Variants in FXYD6 observed in about 807,000 individuals in gnomAD.
FXYD6 encodes FXYD domain containing ion transport regulator 6.
Under a neutral mutation model 16.7 loss-of-function variants are expected in FXYD6, and 7 were observed. The observed-to-expected ratio is 0.42, with a 90% CI of 0.24 to 0.79. The LOEUF (loss-of-function observed/expected upper bound fraction) is 0.79. Ranked by LOEUF, FXYD6 falls within the 30% of genes least tolerant of loss-of-function variation. FXYD6 has a pLI of 0.28. For synonymous variants in FXYD6, 49 were observed against 43.0 expected, an observed-to-expected ratio of 1.14 and a Z score of -0.54; for missense variants, 111 against 116.2, an observed-to-expected ratio of 0.95 and a Z score of 0.21.
chr11:117,873,839 C>T (rs556159341), intron 1 of FXYD6, among the ~76,000 whole-genome samples: 2 of 152,290 alleles, frequency 1.3e-5, no homozygotes, highest in African/African-American at 4.8e-5. Context: ...CAGCTTCCAG[C>T]CTCGCCTTCC....
At chr11:117,874,624 C>T (rs1490412226) in intron 1 of FXYD6, among the ~76,000 whole-genome samples, 1 of 152,262 alleles carries the variant, frequency 6.6e-6, no homozygotes, top group African/African-American at 2.4e-5. Flanking sequence ...TTTTCCTTCT[C>T]TCCTTTGTTA....
At chr11:117,859,685 G>T (rs949365781) in intron 1 of FXYD6, among the ~76,000 whole-genome samples, 2 of 152,116 alleles carry the variant, frequency 1.3e-5, no homozygotes, top group African/African-American at 2.4e-5. Context: ...CCAGTCCCTT[G>T]TCTCCAAAAG....
intron 1 of FXYD6, among the ~76,000 whole-genome samples, chr11:117,869,469 G>A (rs1045040863): frequency 3.3e-5 from 5 of 152,196 alleles, no homozygotes; most frequent in East Asian, 3.8e-4. Flanking sequence ...CTCCCACTGC[G>A]AGGGTGCTGG....
intron 6 of FXYD6, 49 bp from the exon 7 acceptor site, chr11:117,839,879 G>A (rs779122599): frequency 9.9e-6 from 16 of 1,612,032 alleles, no homozygotes; most frequent in South Asian, 8.8e-5. Context: ...CCTCACCCCC[G>A]TGGGCCACCC....
chr11:117,845,440 T>G (rs530894239), intron 1 of FXYD6, among the ~76,000 whole-genome samples: 1 of 152,372 alleles, frequency 6.6e-6, no homozygotes, highest in East Asian at 1.9e-4. Flanking sequence ...TTAGTGTAGC[T>G]TTTTTGAACT....
At chr11:117,842,519 C>G (rs1318705716) in intron 2 of FXYD6, among the ~76,000 whole-genome samples, 200 bp downstream of exon 2, 2 of 152,200 alleles carry the variant, frequency 1.3e-5, no homozygotes, top group East Asian at 1.9e-4. Flanking sequence ...GGCGAGGGGG[C>G]AGGCTGTGCT....
chr11:117,851,786 T>C (rs4525270), intron 1 of FXYD6, among the ~76,000 whole-genome samples: 21,677 of 152,302 alleles, frequency 0.14, 1,602 homozygotes, highest in Middle Eastern at 0.22. Flanking sequence ...CAAGAGACCC[T>C]ACGGCGATCC....
chr11:117,857,799 A>G (rs990884152), intron 1 of FXYD6, among the ~76,000 whole-genome samples: 1 of 152,168 alleles, frequency 6.6e-6, no homozygotes, highest in African/African-American at 2.4e-5. Context: ...CGTGCTAAGC[A>G]AGACCTCTTG....
intron 7 of FXYD6, chr11:117,838,833 C>A (rs559500267): frequency 6.2e-6 from 1 of 162,346 alleles, no homozygotes; most frequent in African/African-American, 2.4e-5. Flanking sequence ...AATTTAAATG[C>A]TACACAGGCA....
chr11:117,869,007 T>C (rs1203206889), intron 1 of FXYD6: 1 of 152,154 alleles, frequency 6.6e-6, no homozygotes, highest in African/African-American at 2.4e-5. Flanking sequence ...TTAAAACAAG[T>C]GCTTTGGGTC....
upstream of FXYD6, chr11:117,877,287 G>T (rs1032177606): frequency 9.9e-5 from 15 of 152,246 alleles, no homozygotes; most frequent in Non-Finnish European, 1.9e-4. Context: ...GAGCTGGGGG[G>T]ATGGTCCTTA....
intron 1 of FXYD6, among the ~76,000 whole-genome samples, chr11:117,857,092 G>A (rs747592842): frequency 2.1e-4 from 32 of 152,342 alleles, no homozygotes; most frequent in Non-Finnish European, 3.8e-4. Context: ...ACATGAGAGG[G>A]CAGGAGGGAA....
In FXYD6 at chr11:117,838,163, G is replaced by T. The variant is rs769065349; in HGVS notation, c.*136C>A. 1.6e-4 allele frequency: 109 copies of T among 701,396 alleles called. No individual in the cohort carries two copies. The highest frequency in any genetic ancestry group is 2.7e-4 in the Non-Finnish European group (103 of 384,982). 43.4% of individuals were successfully genotyped at this position (701,396 alleles called of 1,614,324 possible). ...ATGGTGTTAGAGGGGATAGGGTGGG[G>T]GACACACAAGTTCTTGGCTTCTCCT... On this transcript the variant is annotated 3_prime_UTR_variant, in exon 8 of 8. Coordinates refer to ENST00000526014, the MANE Select transcript of FXYD6 (RefSeq NM_022003.4).
At chr11:117,875,907 A>G (rs892631614) in intron 1 of FXYD6, among the ~76,000 whole-genome samples, 1 of 152,156 alleles carries the variant, frequency 6.6e-6, no homozygotes, top group Non-Finnish European at 1.5e-5. Flanking sequence ...CCCGGGAGAC[A>G]CAATAGGGGA....
chr11:117,858,879 G>A lies in FXYD6; in HGVS notation c.-5-16098C>T, dbSNP rs184235111. Reference sequence around the variant, plus strand: ...CAACCTCCTCCTCCCAGGCTCAAGCGATTCTCCTGCCTCAGCCTCCCGAGT... The same window carrying A: ...CAACCTCCTCCTCCCAGGCTCAAGCAATTCTCCTGCCTCAGCCTCCCGAGT... On this transcript the variant is annotated intron_variant, in intron 1 of 7. Coordinates refer to ENST00000526014, the MANE Select transcript of FXYD6 (RefSeq NM_022003.4). 5.0e-3 allele frequency among the ~76,000 whole-genome samples: 756 copies of A among 151,530 alleles called. 8 individuals are homozygous for A. Among genetic ancestry groups the A allele is most frequent in the African/African-American group, 0.018 (735 of 41,256 alleles).
rs1565312388 is a variant in FXYD6 at position 117,842,039 on chromosome 11, AAACAGTTGGTC to A, written c.59-22_59-12del. 1 of 1,614,184 alleles carries A rather than the reference AAACAGTTGGTC, an allele frequency of 6.2e-7. No individual in the cohort carries two copies. The highest frequency in any genetic ancestry group is 8.5e-7 in the Non-Finnish European group (1 of 1,180,028). ...TCTCCTTTTCAGCTGCTGCAAAAAC[AAACAGTTGGTC>A]AAGAGAAAGAAAGCTACACAAACTG... On this transcript the variant is annotated splice_polypyrimidine_tract_variant and intron_variant, in intron 2 of 7. Coordinates refer to ENST00000526014, the MANE Select transcript of FXYD6 (RefSeq NM_022003.4).
chr11:117,841,729 C>T, intron 4 of FXYD6, 62 bp downstream of exon 4: 2 of 1,597,100 alleles, frequency 1.3e-6, no homozygotes, highest in South Asian at 1.1e-5. Flanking sequence ...CTCACACTGT[C>T]CCCACCTGCT....
intron 1 of FXYD6, among the ~76,000 whole-genome samples, chr11:117,865,496 A>T (rs2056994393): frequency 6.6e-6 from 1 of 152,246 alleles, no homozygotes; most frequent in African/African-American, 2.4e-5. Context: ...GGATAAGCAA[A>T]ATGTGGTATA....
chr11:117,841,124 A>G, intron 5 of FXYD6, 24 bp downstream of exon 5: 10 of 1,613,958 alleles, frequency 6.2e-6, no homozygotes, highest in East Asian at 2.2e-5. Flanking sequence ...CACCCCCCCA[A>G]GGCCACTGCC....
Sources: allele counts gnomAD v4.1 joint callset (sites outside exome capture counted in the v4.1 genomes callset), GRCh38; gene constraint gnomAD v4.1.1; transcripts MANE v1.5; gene names NCBI Gene and HGNC (gene_info 2026-07-23, HGNC 2026-07-21).